The following SLC39A9 variants were observed in gnomAD, a reference collection of about 807,000 sequenced individuals.
SLC39A9 encodes the protein zinc transporter ZIP9.
Under a neutral mutation model 28.4 loss-of-function variants are expected in SLC39A9, and 14 were observed. That is an observed-to-expected ratio of 0.49 (90% CI 0.33 to 0.77). The LOEUF is 0.77. SLC39A9 is among the 30% of genes least tolerant of loss of function. The pLI is 0.02. For synonymous variants in SLC39A9, 119 were observed against 149.6 expected, an observed-to-expected ratio of 0.80 and a Z score of 1.49; for missense variants, 283 against 381.1, an observed-to-expected ratio of 0.74 and a Z score of 2.14.
chr14:69,414,388 C>T (rs1566909768), intron 1 of SLC39A9, among the ~76,000 whole-genome samples: 1 of 152,172 alleles, frequency 6.6e-6, no homozygotes, highest in South Asian at 2.1e-4. Context: ...GAATTGTGAA[C>T]ACCACTGGTT....
At chr14:69,415,101 A>G (rs1883498151) in intron 1 of SLC39A9, among the ~76,000 whole-genome samples, 1 of 152,196 alleles carries the variant, frequency 6.6e-6, no homozygotes, top group South Asian at 2.1e-4. Flanking sequence ...TTCTTGATGT[A>G]GCTTCTATGA....
chr14:69,448,677 C>A (rs181032391), intron 3 of SLC39A9, among the ~76,000 whole-genome samples: 1 of 152,316 alleles, frequency 6.6e-6, no homozygotes, highest in East Asian at 1.9e-4. Context: ...TAGACTGGAT[C>A]CTTCCTGGAA....
intron 3 of SLC39A9, among the ~76,000 whole-genome samples, chr14:69,450,826 A>G (rs1594948383): frequency 1.3e-5 from 2 of 152,296 alleles, no homozygotes; most frequent in Non-Finnish European, 1.5e-5. Flanking sequence ...AATCCTATAC[A>G]GAGAGTTAAA....
Position 69,459,226 on chromosome 14 carries a change from C to G in SLC39A9, c.*633C>G, listed in dbSNP as rs1886006885. The G allele has an allele frequency of 1.0e-6, 1 of 985,376 alleles. No individual in the cohort carries two copies. The highest frequency in any genetic ancestry group is 1.2e-6 in the Non-Finnish European group (1 of 829,964). The allele number at this position is 985,376 out of a possible 1,614,324, so 61.0% of individuals were successfully genotyped here. A position where few individuals can be genotyped will look rare whatever the true frequency, so the allele number is the denominator to read the frequency against. On this transcript the variant is annotated 3_prime_UTR_variant, in exon 7 of 7. Transcript: ENST00000336643. ...AAAGGGATGTCTAGAGGGATTTAAA[C>G]AGCTCCTTTGGCACGTGCCTCTCTG...
At chr14:69,434,423 C>T (rs943667355) in intron 2 of SLC39A9, among the ~76,000 whole-genome samples, 5 of 150,776 alleles carry the variant, frequency 3.3e-5, no homozygotes, top group Non-Finnish European at 4.4e-5. Flanking sequence ...TGGTGGCTCA[C>T]GCCTGTAATC....
Position 69,424,156 on chromosome 14 carries a change from C to A in SLC39A9, c.159C>A (p.Val53=). 1 of 1,613,858 alleles carries A rather than the reference C, an allele frequency of 6.2e-7. No homozygotes were observed. Among genetic ancestry groups the A allele is most frequent in the South Asian group, 1.1e-5 (1 of 91,054 alleles). ...AGLLCGTALA[V]IVPEGVHALY... ...TTCTCTGTGGAACTGCTCTGGCAGT[C>A]ATCGTGCCTGAAGGAGTACATGCCC... Residue 53 remains valine (V), a synonymous_variant, in exon 2 of 7, where the codon GTC becomes GTA. Coordinates refer to ENST00000336643, the MANE Select transcript of SLC39A9 (RefSeq NM_018375.5).
At chr14:69,456,742 A>C (rs909838245) in intron 6 of SLC39A9, among the ~76,000 whole-genome samples, 13 of 152,194 alleles carry the variant, frequency 8.5e-5, no homozygotes, top group African/African-American at 3.1e-4. Flanking sequence ...GCTTTCCCCA[A>C]CACCCTCTCT....
chr14:69,420,173 G>T (rs556078149), intron 1 of SLC39A9, among the ~76,000 whole-genome samples: 1 of 152,304 alleles, frequency 6.6e-6, no homozygotes, highest in South Asian at 2.1e-4. Flanking sequence ...TCCTTCAGGA[G>T]CTCTTGTAAG....
intron 1 of SLC39A9, among the ~76,000 whole-genome samples, chr14:69,419,681 G>A (rs1883775565): frequency 6.6e-6 from 1 of 152,144 alleles, no homozygotes; most frequent in Admixed American, 6.5e-5. Flanking sequence ...GAATCCGGGT[G>A]CTCCTGTATT....
intron 3 of SLC39A9, among the ~76,000 whole-genome samples, chr14:69,449,870 CAT>C (rs746792621): frequency 3.3e-5 from 5 of 151,832 alleles, no homozygotes; most frequent in African/African-American, 4.8e-5. Flanking sequence ...TGTGTATACA[CAT>C]GTGTGAGTGT....
rs1885984847 is a variant in SLC39A9 at position 69,458,724 on chromosome 14, G to T, written c.*131G>T. On this transcript the variant is annotated 3_prime_UTR_variant, in exon 7 of 7. Transcript: ENST00000336643. ...TCTACATGTATTCCTAGAGTCCAGAGGGGAGGTGAGGTTAAAACCTGAGTA... is the reference window on the plus strand; with the variant it reads ...TCTACATGTATTCCTAGAGTCCAGATGGGAGGTGAGGTTAAAACCTGAGTA... 1 of 1,415,416 alleles carries T rather than the reference G, an allele frequency of 7.1e-7. No homozygotes were observed. Among genetic ancestry groups the T allele is most frequent in the Non-Finnish European group, 9.2e-7 (1 of 1,086,692 alleles). 87.7% of individuals were successfully genotyped at this position (1,415,416 alleles called of 1,614,324 possible). A position where few individuals can be genotyped will look rare whatever the true frequency, so the allele number is the denominator to read the frequency against.
chr14:69,406,548 C>G (rs1012525126), intron 1 of SLC39A9, among the ~76,000 whole-genome samples: 1 of 151,962 alleles, frequency 6.6e-6, no homozygotes, highest in Non-Finnish European at 1.5e-5. Flanking sequence ...CTGGGCTGAG[C>G]GCAGTGGCTC....
At chr14:69,414,050 CTT>C (rs1186216595) in intron 1 of SLC39A9, among the ~76,000 whole-genome samples, 60 of 132,130 alleles carry the variant, frequency 4.5e-4, no homozygotes, top group Non-Finnish European at 4.0e-4. Flanking sequence ...ATTTCATATT[CTT>C]TTTTTTTTTT....
intron 1 of SLC39A9, among the ~76,000 whole-genome samples, chr14:69,410,563 T>A (rs779205037): frequency 6.6e-6 from 1 of 152,224 alleles, no homozygotes; most frequent in Non-Finnish European, 1.5e-5. Context: ...CTTTTGGGCA[T>A]CTTGTTTCAG....
intron 1 of SLC39A9, among the ~76,000 whole-genome samples, chr14:69,411,225 A>AC (rs1883245394): frequency 1.3e-5 from 2 of 152,102 alleles, no homozygotes; most frequent in Non-Finnish European, 2.9e-5. Flanking sequence ...AAAAAAAAAA[A>AC]AAAAAAACTT....
intron 3 of SLC39A9, among the ~76,000 whole-genome samples, chr14:69,444,592 T>C (rs2139431546): frequency 6.6e-6 from 1 of 152,304 alleles, no homozygotes; most frequent in East Asian, 1.9e-4. Context: ...GGAGAGGAAT[T>C]TGGCAGTATC....
chr14:69,424,405 C>T (rs1012065917), intron 2 of SLC39A9, among the ~76,000 whole-genome samples: 4 of 152,064 alleles, frequency 2.6e-5, no homozygotes, highest in African/African-American at 4.8e-5. Flanking sequence ...TTCATGAATA[C>T]CACTTAATGT....
chr14:69,453,040 A>G (rs1885688785), intron 3 of SLC39A9, among the ~76,000 whole-genome samples: 1 of 152,194 alleles, frequency 6.6e-6, no homozygotes, highest in Non-Finnish European at 1.5e-5. Flanking sequence ...TTGAAGCAGA[A>G]AGAAAAAAGA....
chr14:69,425,665 T>C (rs1884150191), intron 2 of SLC39A9, among the ~76,000 whole-genome samples: 1 of 152,050 alleles, frequency 6.6e-6, no homozygotes, highest in African/African-American at 2.4e-5. Context: ...TTTTGGGTTT[T>C]TTTTTTTATT....
Sources: allele counts gnomAD v4.1 joint callset (sites outside exome capture counted in the v4.1 genomes callset), GRCh38; gene constraint gnomAD v4.1.1; transcripts MANE v1.5; gene names NCBI Gene and HGNC (gene_info 2026-07-23, HGNC 2026-07-21).